The following TKTL1 variants were observed in gnomAD, a reference collection of about 807,000 sequenced individuals.
The protein encoded by TKTL1 is transketolase-like protein 1.
TKTL1 carries 1 observed loss-of-function variant against 39.3 expected under a neutral mutation model. That is an observed-to-expected ratio of 0.03 (90% CI 0.01 to 0.12). The LOEUF (loss-of-function observed/expected upper bound fraction) is 0.12. TKTL1 is among the 10% of genes least tolerant of loss of function. The pLI is 1.00. For missense variants in TKTL1, 575 were observed against 509.6 expected (o/e 1.13, Z -1.24); for synonymous variants, 262 against 193.8 (o/e 1.35, Z -2.92).
intron 2 of TKTL1, among the ~76,000 whole-genome samples, chrX:154,306,690 G>A (rs1243043020): frequency 1.8e-5 from 2 of 110,370 alleles, no homozygotes; most frequent in African/African-American, 3.3e-5. Context: ...AGGCTTGAGT[G>A]CAGTGGCTCG....
rs1207607471 is a variant in TKTL1, at chrX:154,307,649, C to CAT, written c.253-1694_253-1693dup. ...AGGGGGCTCTGGTCTCCATTGCACC[C>CAT]ATAAAGTCTTTGAGATGGGCCCACT... On this transcript the variant is annotated intron_variant, in intron 2 of 12. Coordinates refer to ENST00000369915, the MANE Select transcript of TKTL1 (RefSeq NM_012253.4). 4.4e-5 allele frequency among the ~76,000 whole-genome samples: 5 copies of CAT among 112,644 alleles called. No individual in the cohort carries two copies. The Admixed American group carries it at 4.7e-4, about 11-fold the overall frequency.
Position 154,330,282 on chromosome X carries a change from G to C in TKTL1, c.*594G>C, listed in dbSNP as rs1405559706. On this transcript the variant is annotated 3_prime_UTR_variant, in exon 13 of 13. Transcript: ENST00000369915. ...CAGCGAAAGCTTGTTAGGATGTCCT[G>C]TGCTGCTTGTGATGAGAGCCTCCAC... The C allele has an allele frequency of 8.8e-6, 1 of 113,610 alleles. No homozygotes were observed. The highest frequency in any genetic ancestry group is 9.2e-5 in the Admixed American group (1 of 10,877). The allele number at this position is 113,610 out of a possible 1,213,427, so 9.4% of individuals were successfully genotyped here.
At chrX:154,327,541 C>T in intron 10 of TKTL1, 50 bp from the exon 11 acceptor site, 3 of 1,080,404 alleles carry the variant, frequency 2.8e-6, no homozygotes, top group Non-Finnish European at 3.9e-6. Context: ...CTTTGACATG[C>T]ATTCTGTGTG....
At chrX:154,320,649 C>A in intron 7 of TKTL1, 108 bp from the exon 8 acceptor site, 1 of 824,929 alleles carries the variant, frequency 1.2e-6, no homozygotes, top group Non-Finnish European at 1.8e-6. Context: ...GCTAGAACTT[C>A]AGAGCAGTTC....
At chrX:154,309,499 A>G in intron 3 of TKTL1, 57 bp downstream of exon 3, 2 of 1,004,029 alleles carry the variant, frequency 2.0e-6, no homozygotes, top group Non-Finnish European at 2.8e-6. Flanking sequence ...CCCTTCCTAG[A>G]GTCTCGGGGG....
chrX:154,328,669 G>A (rs1472265623), intron 12 of TKTL1, among the ~76,000 whole-genome samples: 8 of 108,609 alleles, frequency 7.4e-5, no homozygotes, highest in Non-Finnish European at 1.3e-4. Flanking sequence ...AATGGGCTGG[G>A]CAGTGTTTGC....
chrX:154,309,321 C>T (rs373688645), intron 2 of TKTL1, 24 bp from the exon 3 acceptor site: 17 of 1,180,624 alleles, frequency 1.4e-5, no homozygotes, highest in Non-Finnish European at 2.0e-5. Context: ...TGCGTCTGGG[C>T]TCACTGGGTC....
Position 154,312,692 on chromosome X carries a change from G to GCCC in TKTL1, c.787_789dup (p.Pro263dup). ...AGACCAGCAGGAATCTTGACCCACAGCCCCCCATTGAGGACTCACCTGAAG... is the reference window on the plus strand; with the variant it reads ...AGACCAGCAGGAATCTTGACCCACAGCCCCCCCCCATTGAGGACTCACCTGAAG... On this transcript the variant is annotated inframe_insertion, in exon 6 of 13. Coordinates refer to ENST00000369915, the MANE Select transcript of TKTL1 (RefSeq NM_012253.4). The GCCC allele has an allele frequency of 3.3e-6, 4 of 1,211,449 alleles. No homozygotes were observed. Among genetic ancestry groups the GCCC allele is most frequent in the Non-Finnish European group, 4.5e-6 (4 of 895,337 alleles).
At chrX:154,310,624 C>G (rs1402793985) in intron 3 of TKTL1, among the ~76,000 whole-genome samples, 1 of 112,210 alleles carries the variant, frequency 8.9e-6, no homozygotes, top group Non-Finnish European at 1.9e-5. Context: ...AGAAAACTAG[C>G]CAGAGGTAAA....
At chrX:154,308,841 C>G (rs1557167700) in intron 2 of TKTL1, among the ~76,000 whole-genome samples, 1 of 110,514 alleles carries the variant, frequency 9.0e-6, no homozygotes, top group Admixed American at 9.6e-5. Flanking sequence ...TCTCAGTTGA[C>G]CTGAGTTTTA....
At chrX:154,308,923 A>G (rs782380543) in intron 2 of TKTL1, among the ~76,000 whole-genome samples, 3 of 110,921 alleles carry the variant, frequency 2.7e-5, no homozygotes, top group Non-Finnish European at 5.7e-5. Flanking sequence ...AGGATTGAAC[A>G]TGTGATTTGT....
At chrX:154,298,492 A>C (rs1557165157) in intron 1 of TKTL1, among the ~76,000 whole-genome samples, 1 of 112,233 alleles carries the variant, frequency 8.9e-6, no homozygotes, top group African/African-American at 3.2e-5. Flanking sequence ...CAGCTGGATC[A>C]CTTGAGCTCA....
chrX:154,327,346 GCT>G (rs1557172161), intron 10 of TKTL1: 3 of 538,598 alleles, frequency 5.6e-6, no homozygotes, highest in Non-Finnish European at 1.0e-5. Flanking sequence ...GCCATAGTGA[GCT>G]CTCAAACCAG....
chrX:154,315,652 T>C (rs1175129589), intron 7 of TKTL1, among the ~76,000 whole-genome samples: 2 of 111,343 alleles, frequency 1.8e-5, no homozygotes, highest in Non-Finnish European at 3.8e-5. Flanking sequence ...CATCCCAGGC[T>C]CCCTAGTAGC....
intron 1 of TKTL1, among the ~76,000 whole-genome samples, chrX:154,299,177 C>T (rs2067254242): frequency 2.6e-5 from 1 of 39,018 alleles, no homozygotes; most frequent in Non-Finnish European, 4.5e-5. Context: ...TTTTTTGAGA[C>T]GGAGTTTTGC....
At position 154,312,838 on chromosome X, in the gene TKTL1, T is replaced by C; in HGVS notation, c.864+65T>C. 3 of 1,023,533 alleles carry C rather than the reference T, an allele frequency of 2.9e-6. No homozygotes were observed. In the South Asian group the frequency reaches 7.2e-5, roughly 24 times the overall value. 84.4% of individuals were successfully genotyped at this position (1,023,533 alleles called of 1,213,427 possible). On this transcript the variant is annotated intron_variant, in intron 6 of 12. Coordinates refer to ENST00000369915, the MANE Select transcript of TKTL1 (RefSeq NM_012253.4). ...CAACTGCTTTGTTCTCTAATGTTGTTCGTATGTACACAGGATTCTTCATTT... is the reference window on the plus strand; with the variant it reads ...CAACTGCTTTGTTCTCTAATGTTGTCCGTATGTACACAGGATTCTTCATTT...
At chrX:154,320,269 G>A (rs1314347131) in intron 7 of TKTL1, 1 of 118,480 alleles carries the variant, frequency 8.4e-6, no homozygotes, top group Admixed American at 8.8e-5. Flanking sequence ...ATGACTATAG[G>A]CAAGTTTTGA....
At chrX:154,319,441 TAAAAG>T (rs1239305526) in intron 7 of TKTL1, among the ~76,000 whole-genome samples, 1 of 111,683 alleles carries the variant, frequency 9.0e-6, no homozygotes, top group Non-Finnish European at 1.9e-5. Context: ...AGGTGATTGT[TAAAAG>T]AGACAGTGGG....
chrX:154,309,242 G>A (rs1224189353), intron 2 of TKTL1, 103 bp from the exon 3 acceptor site: 12 of 670,945 alleles, frequency 1.8e-5, no homozygotes, highest in African/African-American at 4.3e-5. Flanking sequence ...CGGATGGGAC[G>A]CTGCTACAGA....
Sources: allele counts gnomAD v4.1 joint callset (sites outside exome capture counted in the v4.1 genomes callset), GRCh38; gene constraint gnomAD v4.1.1; transcripts MANE v1.5; gene names NCBI Gene and HGNC (gene_info 2026-07-23, HGNC 2026-07-21).